The following ADAMTSL1 variants were observed in gnomAD, a reference collection of about 807,000 sequenced individuals.
ADAMTSL1 encodes ADAMTS-like protein 1.
Under a neutral mutation model 201.8 loss-of-function variants are expected in ADAMTSL1, and 126 were observed. That is an observed-to-expected ratio of 0.62 (90% CI 0.54 to 0.72). The LOEUF is 0.72. Among genes scored for constraint, ADAMTSL1 ranks in the 30% least tolerant of loss-of-function variants. The pLI, the probability that ADAMTSL1 is intolerant of heterozygous loss-of-function variation, is 0.00. For missense variants in ADAMTSL1, 2,679 were observed against 2,277.8 expected (o/e 1.18, Z -3.59); for synonymous variants, 1,121 against 903.4 (o/e 1.24, Z -4.32).
chr9:17,907,713 A>T (rs560555022), intron 1 of ADAMTSL1, among the ~76,000 whole-genome samples: 26 of 152,314 alleles, frequency 1.7e-4, no homozygotes, highest in African/African-American at 6.0e-4. Flanking sequence ...CAAGACTTGG[A>T]GAAAGCTGCT....
chr9:18,431,231 T>C (rs1278761658), intron 2 of ADAMTSL1, among the ~76,000 whole-genome samples: 1 of 152,170 alleles, frequency 6.6e-6, no homozygotes, highest in Non-Finnish European at 1.5e-5. Flanking sequence ...TTTTTACTTG[T>C]TGAGATGTTG....
At position 18,219,401 on chromosome 9, in the gene ADAMTSL1, C is replaced by T. The variant is rs187480370; in HGVS notation, c.207+55420C>T. On this transcript the variant is annotated intron_variant, in intron 2 of 29. Coordinates refer to the ADAMTSL1 transcript ENST00000680146. The stretch of plus-strand genomic sequence containing the variant: ...TTTATTTATTTGAGACAGTGTGTTG[C>T]TCTGTCGCCCAGGCTGAAGTGCAGT... Among the ~76,000 whole-genome samples, 183 of 151,316 alleles carry T rather than the reference C, an allele frequency of 1.2e-3. 1 individual carries two copies. The highest frequency in any genetic ancestry group is 4.3e-3 in the African/African-American group (176 of 41,196).
chr9:18,150,757 G>A (rs958593809), intron 1 of ADAMTSL1, among the ~76,000 whole-genome samples: 2 of 151,912 alleles, frequency 1.3e-5, no homozygotes, highest in African/African-American at 4.8e-5. Context: ...GGACAGCAGT[G>A]GATGGAATTC....
intron 1 of ADAMTSL1, among the ~76,000 whole-genome samples, chr9:18,102,304 T>C (rs964861381): frequency 2.5e-4 from 38 of 152,330 alleles, no homozygotes; most frequent in African/African-American, 8.4e-4. Context: ...TTATAAAGTG[T>C]TTGTCTATGT....
intron 2 of ADAMTSL1, among the ~76,000 whole-genome samples, chr9:18,210,484 T>C (rs1829827359): frequency 6.8e-6 from 1 of 147,150 alleles, no homozygotes; most frequent in Non-Finnish European, 1.5e-5. Context: ...GATATATAAA[T>C]AAATATATAT....
intron 1 of ADAMTSL1, among the ~76,000 whole-genome samples, chr9:18,104,931 A>C (rs1237827422): frequency 6.6e-6 from 1 of 152,184 alleles, no homozygotes; most frequent in Non-Finnish European, 1.5e-5. Context: ...AAAGTAAAAT[A>C]AATCAGACTT....
intron 16 of ADAMTSL1, among the ~76,000 whole-genome samples, chr9:18,761,015 A>C (rs1820042463): frequency 6.6e-6 from 1 of 152,180 alleles, no homozygotes; most frequent in South Asian, 2.1e-4. Context: ...TTTTTTATAA[A>C]TCCCCAGCAT....
At chr9:18,328,209 T>C (rs750148753) in intron 2 of ADAMTSL1, among the ~76,000 whole-genome samples, 2 of 152,218 alleles carry the variant, frequency 1.3e-5, no homozygotes, top group Non-Finnish European at 2.9e-5. Flanking sequence ...TTTGTTACTT[T>C]TCACTGCTGT....
chr9:18,305,271 C>T (rs1833866114), intron 2 of ADAMTSL1, among the ~76,000 whole-genome samples: 1 of 152,220 alleles, frequency 6.6e-6, no homozygotes, highest in South Asian at 2.1e-4. Flanking sequence ...AAGCACAAAA[C>T]TGGGCGGCTG....
intron 1 of ADAMTSL1, among the ~76,000 whole-genome samples, chr9:18,060,192 A>G (rs920517430): frequency 1.3e-5 from 2 of 152,138 alleles, no homozygotes. Context: ...TTTAAGTGCA[A>G]TTGGCAGCAT....
chr9:18,898,949 A>T (rs1161892886), intron 26 of ADAMTSL1, among the ~76,000 whole-genome samples: 1 of 152,232 alleles, frequency 6.6e-6, no homozygotes, highest in Non-Finnish European at 1.5e-5. Context: ...AGTTCTCGCC[A>T]GGGCAATCAG....
At chr9:18,113,684 T>C (rs1825125515) in intron 1 of ADAMTSL1, among the ~76,000 whole-genome samples, 1 of 152,074 alleles carries the variant, frequency 6.6e-6, no homozygotes, top group African/African-American at 2.4e-5. Flanking sequence ...GGAGTTAATT[T>C]AAAAAATTAA....
intron 1 of ADAMTSL1, among the ~76,000 whole-genome samples, chr9:17,930,622 A>G (rs532459933): frequency 3.3e-5 from 5 of 152,240 alleles, no homozygotes; most frequent in Non-Finnish European, 7.4e-5. Context: ...TGGATTCACA[A>G]ATGACTTTCA....
intron 4 of ADAMTSL1, among the ~76,000 whole-genome samples, chr9:18,619,433 A>G (rs2132656090): frequency 6.6e-6 from 1 of 152,246 alleles, no homozygotes; most frequent in Non-Finnish European, 1.5e-5. Context: ...CAATTGTGTC[A>G]GGGAGATGTT....
intron 2 of ADAMTSL1, among the ~76,000 whole-genome samples, chr9:18,365,702 A>G (rs1836736047): frequency 6.6e-6 from 1 of 152,046 alleles, no homozygotes; most frequent in African/African-American, 2.4e-5. Flanking sequence ...GAGAAAGAAA[A>G]TGGGGGAGCA....
At chr9:18,220,633 T>C (rs1830220829) in intron 2 of ADAMTSL1, among the ~76,000 whole-genome samples, 1 of 152,164 alleles carries the variant, frequency 6.6e-6, no homozygotes, top group African/African-American at 2.4e-5. Flanking sequence ...TTTGATTTAT[T>C]TTTACCGTCT....
chr9:18,171,670 G>T (rs912976612), intron 2 of ADAMTSL1, among the ~76,000 whole-genome samples: 1 of 152,116 alleles, frequency 6.6e-6, no homozygotes, highest in East Asian at 1.9e-4. Flanking sequence ...CTGTGCAGAA[G>T]CTCTTCAGTT....
At chr9:18,697,068 G>C (rs12351319) in intron 13 of ADAMTSL1, among the ~76,000 whole-genome samples, 8,984 of 151,204 alleles carry the variant, frequency 0.059, 394 homozygotes, top group African/African-American at 0.12. Context: ...TTTTTTAGTA[G>C]AGACGAGGTT....
At chr9:18,252,488 CT>C (rs1459539206) in intron 2 of ADAMTSL1, among the ~76,000 whole-genome samples, 1 of 152,132 alleles carries the variant, frequency 6.6e-6, no homozygotes, top group African/African-American at 2.4e-5. Flanking sequence ...ACATATCCCC[CT>C]GTATACTTTA....
Sources: allele counts gnomAD v4.1 joint callset (sites outside exome capture counted in the v4.1 genomes callset), GRCh38; gene constraint gnomAD v4.1.1; transcripts MANE v1.5; gene names NCBI Gene and HGNC (gene_info 2026-07-23, HGNC 2026-07-21).